The following RYR2 variants were observed in gnomAD, a reference collection of about 807,000 sequenced individuals.
RYR2 encodes ryanodine receptor 2, also known as cardiac muscle ryanodine receptor-calcium release channel.
In RYR2, 227 loss-of-function variants were observed where a neutral mutation model predicts 601.1. That is an observed-to-expected ratio of 0.38 (90% CI 0.34 to 0.42). RYR2 has a LOEUF of 0.42. RYR2 is among the 10% of genes least tolerant of loss of function. RYR2 has a pLI of 1.00. For missense variants in RYR2, 4,646 were observed against 6,156.5 expected, an observed-to-expected ratio of 0.75 and a Z score of 8.21; for synonymous variants, 2,223 against 2,175.1, an observed-to-expected ratio of 1.02 and a Z score of -0.61.
chr1:237,245,578 A>C (rs1686730948), intron 1 of RYR2, among the ~76,000 whole-genome samples: 1 of 152,168 alleles, frequency 6.6e-6, no homozygotes, highest in African/African-American at 2.4e-5. Context: ...TAAATTAAGA[A>C]GTTGTCAACC....
At chr1:237,753,330 A>G (rs1215510770) in intron 80 of RYR2, among the ~76,000 whole-genome samples, 1 of 152,226 alleles carries the variant, frequency 6.6e-6, no homozygotes, top group Non-Finnish European at 1.5e-5. Context: ...TCGAAGAACT[A>G]AATATAGTTG....
intron 1 of RYR2, among the ~76,000 whole-genome samples, chr1:237,248,523 G>C (rs1354319977): frequency 6.6e-6 from 1 of 151,874 alleles, no homozygotes; most frequent in Non-Finnish European, 1.5e-5. Flanking sequence ...ATGAAATTTA[G>C]TTTTTGCTTA....
At chr1:237,639,243 T>C in intron 46 of RYR2, 42 bp downstream of exon 46, 1 of 1,514,932 alleles carries the variant, frequency 6.6e-7, no homozygotes, top group Non-Finnish European at 8.9e-7. Context: ...TCCATACTAC[T>C]TGATGTGAAA....
At chr1:237,716,500 G>A (rs1410664536) in intron 71 of RYR2, among the ~76,000 whole-genome samples, 2 of 152,084 alleles carry the variant, frequency 1.3e-5, no homozygotes, top group Admixed American at 6.6e-5. Context: ...TCATTACCCA[G>A]TGAAAATTAG....
At chr1:237,431,262 A>C (rs1354474119) in intron 12 of RYR2, among the ~76,000 whole-genome samples, 1 of 152,206 alleles carries the variant, frequency 6.6e-6, no homozygotes, top group African/African-American at 2.4e-5. Flanking sequence ...AACTAGAGAC[A>C]CTAACTCTTC....
rs189859233 is a variant in RYR2 at position 237,055,181 on chromosome 1, G to A, written c.48+12612G>A. 3.3e-5 allele frequency among the ~76,000 whole-genome samples: 5 copies of A among 152,282 alleles called. No individual in the cohort carries two copies. In the East Asian group the frequency reaches 7.7e-4, roughly 23 times the overall value. The stretch of plus-strand genomic sequence containing the variant: ...ACCCTGATGCGAAGGCGGGAAGCAC[G>A]GTGACACGTTTGGGAGAGAGATGAC... On this transcript the variant is annotated intron_variant, in intron 1 of 104. Transcript: ENST00000366574.
At chr1:237,755,206 T>A (rs6670609) in intron 80 of RYR2, 24,822 of 702,472 alleles carry the variant, frequency 0.035, 495 homozygotes, top group East Asian at 0.06. Context: ...CCCCTCCTTT[T>A]AGTTCACTTT....
rs1573464703 is a variant in RYR2, at chr1:237,674,363, C to T, written c.8714+144C>T. The T allele has an allele frequency of 7.6e-6, 5 of 653,788 alleles. No individual in the cohort carries two copies. In the East Asian group the frequency reaches 1.4e-4, roughly 18 times the overall value. The allele number at this position is 653,788 out of a possible 1,614,324, so 40.5% of individuals were successfully genotyped here. Reference sequence around the variant, plus strand: ...TTTAATATGTTTAAAATACACACATCAGAAACATTAACACCCCTAGCTGTG... The same window carrying T: ...TTTAATATGTTTAAAATACACACATTAGAAACATTAACACCCCTAGCTGTG... On this transcript the variant is annotated intron_variant, in intron 59 of 104. Coordinates refer to ENST00000366574, the MANE Select transcript of RYR2 (RefSeq NM_001035.3).
At chr1:237,406,314 T>C (rs1016792996) in intron 10 of RYR2, among the ~76,000 whole-genome samples, 1 of 150,174 alleles carries the variant, frequency 6.7e-6, no homozygotes, top group Non-Finnish European at 1.5e-5. Context: ...CATGTCAAAC[T>C]GTACATTCGT....
At chr1:237,372,512 G>A (rs1235643970) in intron 6 of RYR2, among the ~76,000 whole-genome samples, 2 of 152,182 alleles carry the variant, frequency 1.3e-5, no homozygotes, top group African/African-American at 2.4e-5. Flanking sequence ...TGGCTGACAT[G>A]TCAAGATATA....
At chr1:237,551,432 G>C (rs1197321063) in intron 27 of RYR2, among the ~76,000 whole-genome samples, 2 of 151,644 alleles carry the variant, frequency 1.3e-5, no homozygotes, top group African/African-American at 2.4e-5. Flanking sequence ...TCGGGAGGCT[G>C]AGGCAGGAGA....
intron 23 of RYR2, among the ~76,000 whole-genome samples, chr1:237,507,476 G>C (rs1270632607): frequency 3.3e-5 from 5 of 152,128 alleles, no homozygotes; most frequent in Non-Finnish European, 7.4e-5. Flanking sequence ...TGTCCCAAAG[G>C]CCATAACACT....
At position 237,331,038 on chromosome 1, in the gene RYR2, G is replaced by A. The variant is rs1696659833; in HGVS notation, c.273+56G>A. On this transcript the variant is annotated intron_variant, in intron 3 of 104. Transcript: ENST00000366574. ...ATTTTAATGAGCTCAGCTACTATAGGAACAATTTCTTTCACAGGTGTCAGA... is the reference window on the plus strand; with the variant it reads ...ATTTTAATGAGCTCAGCTACTATAGAAACAATTTCTTTCACAGGTGTCAGA... 2.9e-6 allele frequency: 4 copies of A among 1,393,494 alleles called. No homozygotes were observed. The South Asian group carries it at 4.6e-5, about 16-fold the overall frequency. The allele number at this position is 1,393,494 out of a possible 1,614,324, so 86.3% of individuals were successfully genotyped here. A position where few individuals can be genotyped will look rare whatever the true frequency, so the allele number is the denominator to read the frequency against.
intron 4 of RYR2, among the ~76,000 whole-genome samples, chr1:237,359,166 A>C (rs1247339362): frequency 1.3e-5 from 2 of 152,158 alleles, no homozygotes; most frequent in Non-Finnish European, 2.9e-5. Flanking sequence ...GCCTCCCTTA[A>C]ACGGGCTGAG....
chr1:237,607,021 C>T (rs1677202504), intron 35 of RYR2, among the ~76,000 whole-genome samples: 1 of 152,192 alleles, frequency 6.6e-6, no homozygotes, highest in Non-Finnish European at 1.5e-5. Context: ...TGTGGCGATT[C>T]CTCAAGGATC....
intron 13 of RYR2, among the ~76,000 whole-genome samples, chr1:237,441,821 G>T (rs550381424): frequency 6.6e-5 from 10 of 152,078 alleles, no homozygotes; most frequent in African/African-American, 2.2e-4. Context: ...ACAGGAAGAG[G>T]CCCACTTTTT....
chr1:237,444,400 TCTCA>T (rs1272987295), intron 13 of RYR2, among the ~76,000 whole-genome samples: 25 of 152,206 alleles, frequency 1.6e-4, no homozygotes, highest in Non-Finnish European at 2.9e-5. Context: ...TATATCTGTG[TCTCA>T]CTCATTTTTT....
intron 5 of RYR2, among the ~76,000 whole-genome samples, chr1:237,365,483 T>C (rs1375564588): frequency 2.0e-5 from 3 of 152,190 alleles, no homozygotes; most frequent in African/African-American, 7.2e-5. Flanking sequence ...TGGAACATCT[T>C]CCAGAATTTC....
At chr1:237,364,958 T>C (rs1258832755) in intron 5 of RYR2, among the ~76,000 whole-genome samples, 2 of 152,138 alleles carry the variant, frequency 1.3e-5, no homozygotes, top group South Asian at 2.1e-4. Flanking sequence ...AGTGAAAATA[T>C]TGTAAAAGTA....
Sources: gnomAD v4.1 joint callset for allele counts (sites outside exome capture counted in the v4.1 genomes callset) on GRCh38, gnomAD v4.1.1 for gene constraint, MANE v1.5 for transcripts, NCBI Gene and HGNC (gene_info 2026-07-23, HGNC 2026-07-21) for gene names.